Variants in SUSD6 observed in about 807,000 individuals in gnomAD.
SUSD6 encodes the protein sushi domain-containing protein 6.
In SUSD6, 16 loss-of-function variants were observed where a neutral mutation model predicts 28.4. The observed-to-expected ratio is 0.56, with a 90% CI of 0.38 to 0.86. The LOEUF (loss-of-function observed/expected upper bound fraction) is 0.86. Ranked by LOEUF, SUSD6 falls within the 40% of genes least tolerant of loss-of-function variation. The probability of loss-of-function intolerance (pLI) is 0.00; values close to 1 mark genes in which losing one functional copy is unlikely to be tolerated. For missense variants in SUSD6, 341 were observed against 384.2 expected (o/e 0.89, Z 0.94); for synonymous variants, 147 against 159.6 (o/e 0.92, Z 0.59).
intron 2 of SUSD6, among the ~76,000 whole-genome samples, chr14:69,700,758 TGTATATAGA>T: frequency 6.6e-6 from 1 of 152,346 alleles, no homozygotes; most frequent in Non-Finnish European, 1.5e-5. Flanking sequence ...AGAATAAATT[TGTATATAGA>T]GTATCTTTGG....
intron 2 of SUSD6, among the ~76,000 whole-genome samples, chr14:69,672,996 C>T (rs950935681): frequency 2.0e-5 from 3 of 152,206 alleles, no homozygotes; most frequent in Admixed American, 6.5e-5. Flanking sequence ...AGGGCAGTTC[C>T]GTCCTCACCT....
chr14:69,619,476 C>T (rs1595029086), intron 1 of SUSD6, among the ~76,000 whole-genome samples: 1 of 152,028 alleles, frequency 6.6e-6, no homozygotes, highest in Non-Finnish European at 1.5e-5. Context: ...AAAAATGCCA[C>T]CTGGCCTGGT....
At position 69,658,570 on chromosome 14, in the gene SUSD6, A is replaced by T. The variant is rs957687965; in HGVS notation, c.-23A>T. 16 of 1,611,186 alleles carry T rather than the reference A, an allele frequency of 9.9e-6. No homozygotes were observed. Among genetic ancestry groups the T allele is most frequent in the Admixed American group, 1.7e-5 (1 of 59,360 alleles). ...TCTGGATTTTAAATTTTTTCTTTTT[A>T]AAAAAACTTGGACGGATAAAAGATG... On this transcript the variant is annotated 5_prime_UTR_variant, in exon 2 of 6. Coordinates refer to ENST00000342745, the MANE Select transcript of SUSD6 (RefSeq NM_014734.4).
intron 1 of SUSD6, 46 bp from the exon 2 acceptor site, chr14:69,658,467 C>A: frequency 9.9e-7 from 1 of 1,011,054 alleles, no homozygotes. Flanking sequence ...TTTTAACTAA[C>A]TTATGGCTGA....
At chr14:69,620,379 CAGA>C (rs1199172940) in intron 1 of SUSD6, among the ~76,000 whole-genome samples, 2 of 152,210 alleles carry the variant, frequency 1.3e-5, no homozygotes, top group Non-Finnish European at 2.9e-5. Flanking sequence ...GTGGTTGCTG[CAGA>C]AACCAAAGGG....
chr14:69,680,308 TG>T (rs1218416455), intron 2 of SUSD6, among the ~76,000 whole-genome samples: 1 of 152,090 alleles, frequency 6.6e-6, no homozygotes, highest in Non-Finnish European at 1.5e-5. Context: ...AGTGGGAAGG[TG>T]TGTAGGCAGC....
intron 2 of SUSD6, among the ~76,000 whole-genome samples, chr14:69,683,581 G>A (rs1351023303): frequency 1.3e-5 from 2 of 152,134 alleles, no homozygotes; most frequent in Non-Finnish European, 2.9e-5. Flanking sequence ...CTCTGAGAGG[G>A]GCCAGAAGGC....
At chr14:69,639,113 CAGGA>C (rs2139601595) in intron 1 of SUSD6, among the ~76,000 whole-genome samples, 3 of 152,126 alleles carry the variant, frequency 2.0e-5, no homozygotes, top group Admixed American at 2.0e-4. Context: ...ATCACAAGGT[CAGGA>C]GATTGAGGTC....
At chr14:69,644,513 G>A (rs1412989832) in intron 1 of SUSD6, among the ~76,000 whole-genome samples, 1 of 152,152 alleles carries the variant, frequency 6.6e-6, no homozygotes, top group Non-Finnish European at 1.5e-5. Context: ...AGCTGGGCTT[G>A]GGGGCGTGTG....
chr14:69,688,223 G>C (rs1886103566), intron 2 of SUSD6, among the ~76,000 whole-genome samples: 1 of 152,148 alleles, frequency 6.6e-6, no homozygotes, highest in Non-Finnish European at 1.5e-5. Context: ...TAGCATCTTA[G>C]TAGCTACCTA....
chr14:69,670,477 G>A, intron 2 of SUSD6: 1 of 456,754 alleles, frequency 2.2e-6, no homozygotes, highest in South Asian at 1.5e-5. Context: ...AGGCTTTTCT[G>A]AGGGAGAGAA....
At chr14:69,656,481 A>G (rs1192065506) in intron 1 of SUSD6, among the ~76,000 whole-genome samples, 1 of 152,206 alleles carries the variant, frequency 6.6e-6, no homozygotes, top group Non-Finnish European at 1.5e-5. Context: ...TCTGTCACTG[A>G]CCAGCTGGGG....
At chr14:69,648,251 C>T (rs974187282) in intron 1 of SUSD6, among the ~76,000 whole-genome samples, 4 of 152,036 alleles carry the variant, frequency 2.6e-5, no homozygotes, top group Non-Finnish European at 4.4e-5. Flanking sequence ...AATAGAGGTC[C>T]GGAAAGCTTG....
intron 5 of SUSD6, among the ~76,000 whole-genome samples, chr14:69,710,306 G>C (rs1016310338): frequency 7.9e-5 from 12 of 152,176 alleles, no homozygotes; most frequent in Non-Finnish European, 8.8e-5. Flanking sequence ...GCTGGATTAG[G>C]TTTCAGGGGT....
At chr14:69,702,319 T>C (rs1226257710) in intron 2 of SUSD6, among the ~76,000 whole-genome samples, 1 of 152,204 alleles carries the variant, frequency 6.6e-6, no homozygotes, top group Non-Finnish European at 1.5e-5. Flanking sequence ...GCCCCCACTT[T>C]TACTGTTTTG....
At chr14:69,670,603 G>T (rs541694976) in intron 2 of SUSD6, 65 of 440,452 alleles carry the variant, frequency 1.5e-4, no homozygotes, top group Non-Finnish European at 2.7e-4. Flanking sequence ...TCCTAGTTCT[G>T]CCAGTAGTGT....
chr14:69,701,029 AT>A (rs973871385), intron 2 of SUSD6, among the ~76,000 whole-genome samples: 2 of 152,182 alleles, frequency 1.3e-5, no homozygotes, highest in African/African-American at 4.8e-5. Flanking sequence ...AAAGAGAATG[AT>A]TTTTTAAATA....
rs1176524989 is a variant in SUSD6 at position 69,624,452 on chromosome 14, TG to T, written c.-81+12625del. 9.2e-5 allele frequency among the ~76,000 whole-genome samples: 14 copies of T among 151,664 alleles called. 1 individual carries two copies. The South Asian group carries it at 2.5e-3, about 27-fold the overall frequency. On this transcript the variant is annotated intron_variant, in intron 1 of 5. Transcript: ENST00000342745. ...AAATTTAACCTCTTTGATACTTAGT[TG>T]TTTTTTTTTTTTTTTTGAGAGGGAG...
chr14:69,670,342 C>T (rs925896205), intron 2 of SUSD6: 7 of 426,166 alleles, frequency 1.6e-5, no homozygotes, highest in South Asian at 1.1e-4. Flanking sequence ...TGCTGAATGC[C>T]AAGACTGTGC....
Sources: gnomAD v4.1 joint callset for allele counts (sites outside exome capture counted in the v4.1 genomes callset) on GRCh38, gnomAD v4.1.1 for gene constraint, MANE v1.5 for transcripts, NCBI Gene and HGNC (gene_info 2026-07-23, HGNC 2026-07-21) for gene names.